The following PDZD7 variants were observed in gnomAD, a reference collection of about 807,000 sequenced individuals.
PDZD7 encodes the protein PDZ domain containing 7.
In PDZD7, 72 loss-of-function variants were observed where a neutral mutation model predicts 84.7. The ratio of observed to expected loss-of-function variants is 0.85; its 90% CI spans 0.70 to 1.03. The LOEUF (loss-of-function observed/expected upper bound fraction) is 1.03. PDZD7 is among the 50% of genes least tolerant of loss of function. PDZD7 has a pLI of 0.00. For synonymous variants in PDZD7, 594 were observed against 580.7 expected, an observed-to-expected ratio of 1.02 and a Z score of -0.33; for missense variants, 1,490 against 1,412.9, an observed-to-expected ratio of 1.05 and a Z score of -0.87.
rs1374854603 is a variant in PDZD7 at position 101,026,717 on chromosome 10, A to AT, written c.227-2650dup. On this transcript the variant is annotated intron_variant, in intron 2 of 16. Transcript: ENST00000619208. ...CACACACACACACACACACACTTCA[A>AT]TTTGATCTAAGAGAAGTCAGGTTAC... Among the ~76,000 whole-genome samples the AT allele has an allele frequency of 2.8e-5, 4 of 144,548 alleles. No individual in the cohort carries two copies. The Admixed American group carries it at 2.8e-4, about 10-fold the overall frequency. The allele number at this position is 144,548 out of a possible 152,430, so 94.8% of individuals were successfully genotyped here.
intron 6 of PDZD7, among the ~76,000 whole-genome samples, chr10:101,021,344 G>A (rs1303494671): frequency 6.6e-6 from 1 of 152,158 alleles, no homozygotes; most frequent in Non-Finnish European, 1.5e-5. Context: ...CCTCAGACAA[G>A]TGTGAGACCC....
At chr10:101,024,202 G>A in intron 2 of PDZD7, 134 bp from the exon 3 acceptor site, 1 of 1,204,654 alleles carries the variant, frequency 8.3e-7, no homozygotes, top group South Asian at 1.2e-5. Flanking sequence ...CCTAAATGCA[G>A]TGGGGCAGGT....
intron 9 of PDZD7, chr10:101,017,509 G>A (rs1852685764): frequency 1.5e-6 from 1 of 675,232 alleles, no homozygotes; most frequent in Non-Finnish European, 2.7e-6. Context: ...TTGGCCAGGT[G>A]TGGTAGATCA....
chr10:101,023,286 A>T, intron 4 of PDZD7, 150 bp downstream of exon 4: 1 of 863,708 alleles, frequency 1.2e-6, no homozygotes, highest in Non-Finnish European at 1.9e-6. Context: ...GCCTCTCCTT[A>T]TTTTGAGGTC....
rs60039986 is a variant in PDZD7, at chr10:101,007,875, A to ACCCCCCCCCCCCCCCC, written c.*591_*592insGGGGGGGGGGGGGGGG. Reference sequence around the variant, plus strand: ...GATAAAGAGTACAGGAACTTGTTTGACCCCCCCCCCCCCACCATTTGCTGG... The same window carrying ACCCCCCCCCCCCCCCC: ...GATAAAGAGTACAGGAACTTGTTTGACCCCCCCCCCCCCCCCCCCCCCCCCCCCCACCATTTGCTGG... On this transcript the variant is annotated 3_prime_UTR_variant, in exon 17 of 17. Coordinates refer to ENST00000619208, the MANE Select transcript of PDZD7 (RefSeq NM_001195263.2). 1 of 23,766 alleles carries ACCCCCCCCCCCCCCCC rather than the reference A, an allele frequency of 4.2e-5. No homozygotes were observed. The highest frequency in any genetic ancestry group is 2.0e-4 in the African/African-American group (1 of 5,098). The allele number at this position is 23,766 out of a possible 1,614,324, so 1.5% of individuals were successfully genotyped here.
In PDZD7 at chr10:101,030,073, C is replaced by T; in HGVS notation, c.147G>A (p.Arg49=). The T allele has an allele frequency of 3.1e-6, 5 of 1,614,064 alleles. No homozygotes were observed. The highest frequency in any genetic ancestry group is 4.2e-6 in the Non-Finnish European group (5 of 1,180,044). Residue 49 remains arginine, a synonymous_variant, in exon 2 of 17, where the codon CGG becomes CGA. Transcript: ENST00000619208. The part of the protein sequence containing the change: ...ATRYLLRKQQ[R]LLNGPPRGIR... ...TTCCGCGGGGGGGCCCGTTCAGCAGCCGTTGTTGCTTCCTTAGCAGGTATC... is the reference window on the plus strand; with the variant it reads ...TTCCGCGGGGGGGCCCGTTCAGCAGTCGTTGTTGCTTCCTTAGCAGGTATC...
intron 9 of PDZD7, 175 bp downstream of exon 9, chr10:101,017,896 GAAAGAAAGAAAGAAAGAAAAGAAAGAAA>G (rs1852782371): frequency 2.3e-5 from 9 of 391,934 alleles, no homozygotes; most frequent in African/African-American, 2.0e-4. Flanking sequence ...AGAAAGAAAA[GAAAGAAAGAAAGAAAGAAAAGAAAGAAA>G]GAAAAAGAAA....
Position 101,008,376 on chromosome 10 carries a change from G to C in PDZD7, c.*91C>G. 6 of 1,291,344 alleles carry C rather than the reference G, an allele frequency of 4.6e-6. No homozygotes were observed. The highest frequency in any genetic ancestry group is 6.2e-6 in the Non-Finnish European group (6 of 964,276). 80.0% of individuals were successfully genotyped at this position (1,291,344 alleles called of 1,614,324 possible). On this transcript the variant is annotated 3_prime_UTR_variant, in exon 17 of 17. Coordinates refer to ENST00000619208, the MANE Select transcript of PDZD7 (RefSeq NM_001195263.2). ...CACTGGGAGGAGGCAGGGTGGGCAGGAGCTGGAGAGTCCTGAAGAAGTTGG... is the reference window on the plus strand; with the variant it reads ...CACTGGGAGGAGGCAGGGTGGGCAGCAGCTGGAGAGTCCTGAAGAAGTTGG...
At chr10:101,018,640 G>A (rs1434236608) in intron 8 of PDZD7, among the ~76,000 whole-genome samples, 182 bp downstream of exon 8, 4 of 152,206 alleles carry the variant, frequency 2.6e-5, no homozygotes, top group Non-Finnish European at 5.9e-5. Context: ...AAGGGTGAAT[G>A]TGGGGTCCAG....
chr10:101,017,834 GGAAGGAAAGAAAGAAAGAAA>G (rs1564632144), intron 9 of PDZD7: 20 of 128,962 alleles, frequency 1.6e-4, no homozygotes, highest in South Asian at 8.9e-4. Flanking sequence ...AAGGAAGGAA[GGAAGGAAAGAAAGAAAGAAA>G]GAAAGAAAGA....
chr10:101,014,997 C>T (rs1335226729), intron 11 of PDZD7, among the ~76,000 whole-genome samples: 1 of 152,266 alleles, frequency 6.6e-6, no homozygotes, highest in African/African-American at 2.4e-5. Context: ...CTGTGCCCCA[C>T]AGCCTCCCCA....
intron 4 of PDZD7, 116 bp from the exon 5 acceptor site, chr10:101,022,501 G>T: frequency 8.2e-7 from 1 of 1,221,672 alleles, no homozygotes; most frequent in Non-Finnish European, 1.2e-6. Context: ...GGACTCCCCA[G>T]GCCTGAGACC....
In PDZD7 at chr10:101,018,906, CAG is replaced by C; in HGVS notation, c.1238_1239del (p.Ser413Ter). The C allele has an allele frequency of 6.2e-7, 1 of 1,604,372 alleles. No homozygotes were observed. The highest frequency in any genetic ancestry group is 8.5e-7 in the Non-Finnish European group (1 of 1,176,120). On this transcript the variant is annotated frameshift_variant, in exon 8 of 17. Coordinates refer to ENST00000619208, the MANE Select transcript of PDZD7 (RefSeq NM_001195263.2). LOFTEE classifies it high-confidence loss of function. ...HPGRRLDSAL[S>X]ESPKTALLLA... ...AGCAGCAAAGCCGTCTTGGGAGACTCAGAGAGCGCAGAGTCAAGGCGGCGGCC... is the reference window on the plus strand; with the variant it reads ...AGCAGCAAAGCCGTCTTGGGAGACTCAGAGCGCAGAGTCAAGGCGGCGGCC...
chr10:101,008,426 G>A lies in PDZD7; in HGVS notation c.*41C>T. 1 of 1,468,836 alleles carries A rather than the reference G, an allele frequency of 6.8e-7. No homozygotes were observed. Among genetic ancestry groups the A allele is most frequent in the Non-Finnish European group, 9.0e-7 (1 of 1,110,272 alleles). The allele number at this position is 1,468,836 out of a possible 1,614,324, so 91.0% of individuals were successfully genotyped here. The stretch of plus-strand genomic sequence containing the variant: ...GTAGGAGAGGTCCTGGGGATAACGG[G>A]ATGCTGGAGTCAGTGGGTGAATCTG... On this transcript the variant is annotated 3_prime_UTR_variant, in exon 17 of 17. Transcript: ENST00000619208.
intron 2 of PDZD7, among the ~76,000 whole-genome samples, 186 bp from the exon 3 acceptor site, chr10:101,024,254 T>C (rs1937588215): frequency 6.6e-6 from 1 of 152,156 alleles, no homozygotes; most frequent in African/African-American, 2.4e-5. Context: ...TTTATGTTAT[T>C]TTTTAAAGAA....
rs572617727 is a variant in PDZD7, at chr10:101,030,141, A to G, written c.79T>C (p.Ser27Pro). 20 of 1,614,088 alleles carry G rather than the reference A, an allele frequency of 1.2e-5. No homozygotes were observed. The South Asian group carries it at 2.1e-4, about 17-fold the overall frequency. ...LSSGSLSSLS[S>P]RGHLGSDSGS... is the part of the protein sequence containing the mutation. Reference sequence around the variant, plus strand: ...GAGTCGCTGCCTAGGTGGCCTCGGGAGGAGAGGGAGCTCAGAGAGCCGGAG... The same window carrying G: ...GAGTCGCTGCCTAGGTGGCCTCGGGGGGAGAGGGAGCTCAGAGAGCCGGAG... Residue 27 changes from serine to proline, a missense_variant, in exon 2 of 17, where the codon TCC (serine) becomes CCC (proline). Transcript: ENST00000619208.
Position 101,008,888 on chromosome 10 carries a change from A to AT in PDZD7, c.2719-39dup. 4 of 1,458,126 alleles carry AT rather than the reference A, an allele frequency of 2.7e-6. 1 individual carries two copies. In the South Asian group the frequency reaches 5.6e-5, roughly 21 times the overall value. 90.3% of individuals were successfully genotyped at this position (1,458,126 alleles called of 1,614,324 possible). A position where few individuals can be genotyped will look rare whatever the true frequency, so the allele number is the denominator to read the frequency against. On this transcript the variant is annotated intron_variant, in intron 16 of 16. Coordinates refer to ENST00000619208, the MANE Select transcript of PDZD7 (RefSeq NM_001195263.2). ...GAGAGAGTCACATCCCTCCCTCCTCATGTCACCCTGCATCAGCCCCCAACC... is the reference window on the plus strand; with the variant it reads ...GAGAGAGTCACATCCCTCCCTCCTCATTGTCACCCTGCATCAGCCCCCAACC...
chr10:101,023,239 G>A (rs1853229818), intron 4 of PDZD7, 197 bp downstream of exon 4: 1 of 653,760 alleles, frequency 1.5e-6, no homozygotes, highest in African/African-American at 1.8e-5. Context: ...GGATCTGGGA[G>A]AGCAGAGCTA....
Position 101,019,005 on chromosome 10 carries a change from C to T in PDZD7, c.1141G>A (p.Glu381Lys). The stretch of plus-strand genomic sequence containing the variant: ...GTGGGCCGCACGCTGCACCAGGTCT[C>T]CACCCGGCCTCCCGCATCGGGCTCC... The part of the protein sequence containing the change: ...QTEPDAGGRV[E>K]TWCSVRPTVI... The change falls in exon 8 of 17, where the codon GAG becomes AAG. Residue 381 changes from glutamate (E) to lysine (K), a missense_variant. Transcript: ENST00000619208. 6.3e-7 allele frequency: 1 copy of T among 1,576,168 alleles called. No individual in the cohort carries two copies. Among genetic ancestry groups the T allele is most frequent in the Non-Finnish European group, 8.6e-7 (1 of 1,163,074 alleles).
Sources: allele counts gnomAD v4.1 joint callset (sites outside exome capture counted in the v4.1 genomes callset), GRCh38; gene constraint gnomAD v4.1.1; transcripts MANE v1.5; gene names NCBI Gene and HGNC (gene_info 2026-07-23, HGNC 2026-07-21).